Variants in ITGAE observed in about 807,000 individuals in gnomAD.
ITGAE encodes the protein integrin alpha-E.
A neutral mutation model predicts 136.5 loss-of-function variants in ITGAE; 99 were observed. That is an observed-to-expected ratio of 0.73 (90% confidence interval 0.62 to 0.86). ITGAE has a LOEUF of 0.86. Among genes scored for constraint, ITGAE ranks in the 40% least tolerant of loss-of-function variants. The pLI is 0.00. For synonymous variants in ITGAE, 613 were observed against 591.8 expected, an observed-to-expected ratio of 1.04 and a Z score of -0.52; for missense variants, 1,447 against 1,515.3, an observed-to-expected ratio of 0.95 and a Z score of 0.75.
chr17:3,743,670 G>T, intron 18 of ITGAE, 53 bp from the exon 19 acceptor site: 6 of 1,453,020 alleles, frequency 4.1e-6, no homozygotes, highest in Non-Finnish European at 4.7e-6. Flanking sequence ...GGGAGAAGAT[G>T]ACAACAATAA....
chr17:3,770,674 C>T (rs113538928), intron 2 of ITGAE, among the ~76,000 whole-genome samples: 2,708 of 152,288 alleles, frequency 0.018, 55 homozygotes, highest in African/African-American at 0.036. Flanking sequence ...CAGCAGGAAC[C>T]CAGAAGTGCC....
intron 1 of ITGAE, among the ~76,000 whole-genome samples, chr17:3,797,409 C>T (rs1162663939): frequency 6.6e-6 from 1 of 150,846 alleles, no homozygotes; most frequent in African/African-American, 2.4e-5. Flanking sequence ...TCATGATCTG[C>T]CCACCTTGGC....
At chr17:3,719,236 A>C (rs1243189668) in intron 29 of ITGAE, among the ~76,000 whole-genome samples, 1 of 121,534 alleles carries the variant, frequency 8.2e-6, no homozygotes, top group African/African-American at 3.3e-5. Context: ...ATTCTTCCTC[A>C]AAAAAAAAAA....
At chr17:3,758,072 C>A (rs1201821875) in intron 8 of ITGAE, among the ~76,000 whole-genome samples, 1 of 152,142 alleles carries the variant, frequency 6.6e-6, no homozygotes, top group Non-Finnish European at 1.5e-5. Context: ...CACCTGCTCC[C>A]AGCAGGAAGG....
intron 2 of ITGAE, among the ~76,000 whole-genome samples, chr17:3,764,784 A>T (rs2143150724): frequency 6.6e-6 from 1 of 152,258 alleles, no homozygotes; most frequent in South Asian, 2.1e-4. Flanking sequence ...GCGCCTCCTG[A>T]CTGCAAACTT....
intron 17 of ITGAE, among the ~76,000 whole-genome samples, chr17:3,746,649 G>A (rs1006148699): frequency 9.2e-5 from 14 of 151,912 alleles, no homozygotes; most frequent in South Asian, 2.1e-4. Flanking sequence ...TAGTGGAGAC[G>A]GCGTTTCACC....
rs2143006223 is a variant in ITGAE, at chr17:3,720,318, G to A, written c.3322C>T (p.His1108Tyr). 1 of 1,552,598 alleles carries A rather than the reference G, an allele frequency of 6.4e-7. No individual in the cohort carries two copies. The highest frequency in any genetic ancestry group is 1.4e-5 in the African/African-American group (1 of 73,784). Residue 1108 changes from histidine to tyrosine, a missense_variant, in exon 29 of 31, where the codon CAC becomes TAC. Around this residue, in one of 3 missense-constraint regions of ITGAE, gnomAD observed 1,031 missense variants for 1,011.4 expected, o/e 1.02. Coordinates refer to ENST00000263087, the MANE Select transcript of ITGAE (RefSeq NM_002208.5). ...CAGCCAGGAATTACCTTAGTTCTGT[G>A]GTTCTCTGCATTCAGTCCCTCATAT... ...SLYEGLNAEN[H>Y]RTKITVVFLK...
intron 2 of ITGAE, among the ~76,000 whole-genome samples, chr17:3,772,558 C>T (rs188281370): frequency 1.8e-4 from 27 of 151,654 alleles, no homozygotes; most frequent in South Asian, 1.7e-3. Flanking sequence ...CCGCCTCCCG[C>T]GTTCATGCCA....
intron 17 of ITGAE, among the ~76,000 whole-genome samples, chr17:3,747,637 C>A (rs2051749601): frequency 6.6e-6 from 1 of 152,086 alleles, no homozygotes; most frequent in African/African-American, 2.4e-5. Context: ...AGAAACTCAA[C>A]CCTTCAACCC....
intron 6 of ITGAE, among the ~76,000 whole-genome samples, 160 bp from the exon 7 acceptor site, chr17:3,760,447 T>TTA: frequency 7.2e-6 from 1 of 138,722 alleles, no homozygotes; most frequent in South Asian, 2.5e-4. Context: ...TTTTTTTTTT[T>TTA]TTTTTTTTTT....
rs147575637 is a variant in ITGAE at position 3,768,131 on chromosome 17, A to G, written c.156-4171T>C. 4.7e-4 allele frequency among the ~76,000 whole-genome samples: 71 copies of G among 151,326 alleles called. No homozygotes were observed. In the East Asian group the frequency reaches 8.6e-3, roughly 18 times the overall value. ...TATTTGGTTTTTAATTTACTCATGTAATTTTTTTTTTAAGACAGAGTCTCC... is the reference window on the plus strand; with the variant it reads ...TATTTGGTTTTTAATTTACTCATGTGATTTTTTTTTTAAGACAGAGTCTCC... On this transcript the variant is annotated intron_variant, in intron 2 of 30. Transcript: ENST00000263087.
At chr17:3,756,839 G>A (rs1163022762) in intron 10 of ITGAE, 145 bp downstream of exon 10, 17 of 855,878 alleles carry the variant, frequency 2.0e-5, no homozygotes, top group South Asian at 1.4e-4. Flanking sequence ...CACCACACCC[G>A]GCCATTGCCT....
In ITGAE at chr17:3,724,324, G is replaced by A. The variant is rs1403258397; in HGVS notation, c.3085-580C>T. 3.1e-6 allele frequency: 5 copies of A among 1,587,814 alleles called. No individual in the cohort carries two copies. The African/African-American group carries it at 4.0e-5, about 13-fold the overall frequency. ...CCCCCGCAGAAGTGCAGCACACCCT[G>A]CGGCCCGCTCCGACTTCCGCCCTTC... is the stretch of plus-strand genomic sequence containing the variant. On this transcript the variant is annotated intron_variant, in intron 26 of 30. Transcript: ENST00000263087.
chr17:3,716,520 C>T lies in ITGAE; in HGVS notation c.3444+168G>A, dbSNP rs1270644902. On this transcript the variant is annotated intron_variant, in intron 30 of 30. Transcript: ENST00000263087. ...AGAGTTTTCTCTTTTCAGACAGATA[C>T]TGTTTTACTCATTTGTCTAAATGGG... is the stretch of plus-strand genomic sequence containing the variant. 2.6e-5 allele frequency among the ~76,000 whole-genome samples: 4 copies of T among 152,298 alleles called. No individual in the cohort carries two copies. The South Asian group carries it at 8.3e-4, about 32-fold the overall frequency.
At chr17:3,737,875 G>A (rs921498855) in intron 20 of ITGAE, among the ~76,000 whole-genome samples, 1 of 152,158 alleles carries the variant, frequency 6.6e-6, no homozygotes. Flanking sequence ...TACACTAGGG[G>A]GCGATGTAGG....
intron 17 of ITGAE, among the ~76,000 whole-genome samples, chr17:3,746,469 T>C (rs2051716925): frequency 6.6e-6 from 1 of 151,714 alleles, no homozygotes; most frequent in African/African-American, 2.4e-5. Context: ...CTTTTTTTTT[T>C]TCCTTTGAGA....
chr17:3,726,018 C>T (rs1238003669), intron 26 of ITGAE: 8 of 1,613,930 alleles, frequency 5.0e-6, no homozygotes, highest in East Asian at 2.2e-5. Flanking sequence ...GCGCTTGGAA[C>T]GGGATGGGAT....
rs549478180 is a variant in ITGAE at position 3,749,656 on chromosome 17, C to CGG, written c.2024+694_2024+695dup. Among the ~76,000 whole-genome samples the CGG allele has an allele frequency of 1.6e-3, 239 of 152,186 alleles. 3 individuals carry two copies. In the South Asian group the frequency reaches 0.042, roughly 27 times the overall value. Reference sequence around the variant, plus strand: ...TGCAGCTTGGAGAGGACGGGACAGACGGGCGCTCCATGAGCTCATTTACAG... The same window carrying CGG: ...TGCAGCTTGGAGAGGACGGGACAGACGGGGGCGCTCCATGAGCTCATTTACAG... On this transcript the variant is annotated intron_variant, in intron 16 of 30. Coordinates refer to ENST00000263087, the MANE Select transcript of ITGAE (RefSeq NM_002208.5).
At chr17:3,724,118 C>T (rs1186439772) in intron 26 of ITGAE, 2 of 1,593,952 alleles carry the variant, frequency 1.3e-6, no homozygotes, top group African/African-American at 1.4e-5. Context: ...CGCAGTCCGA[C>T]GATCCTGACG....
Sources: gnomAD v4.1 joint callset for allele counts (sites outside exome capture counted in the v4.1 genomes callset) on GRCh38, gnomAD v4.1.1 for gene constraint, gnomAD v4.1.1 regional missense constraint, MANE v1.5 for transcripts, NCBI Gene and HGNC (gene_info 2026-07-23, HGNC 2026-07-21) for gene names.